GSDMD: variants seen among roughly 807,000 people sequenced by gnomAD.
GSDMD encodes the protein gasdermin-D.
A neutral mutation model predicts 46.7 loss-of-function variants in GSDMD; 46 were observed. The ratio of observed to expected loss-of-function variants is 0.99; its 90% CI spans 0.78 to 1.26. The LOEUF is 1.26. Among genes scored for constraint, GSDMD ranks in the 50% most tolerant of loss-of-function variants. GSDMD has a pLI of 0.00. For synonymous variants in GSDMD, 307 were observed against 283.1 expected (o/e 1.08, Z -0.85); for missense variants, 649 against 638.8 (o/e 1.02, Z -0.17).
At chr8:143,554,651 C>A (rs567309593), upstream of GSDMD, among the ~76,000 whole-genome samples, 1 of 150,834 alleles carries the variant, frequency 6.6e-6, no homozygotes, top group Non-Finnish European at 1.5e-5. Context: ...GCACAACACA[C>A]ACGTGCATAC....
At chr8:143,562,553 T>G (rs1206687410) in intron 10 of GSDMD, 32 bp downstream of exon 10, 5 of 1,602,250 alleles carry the variant, frequency 3.1e-6, no homozygotes. Flanking sequence ...TGCAGGAGGA[T>G]GGGCTGAGCC....
upstream of GSDMD, among the ~76,000 whole-genome samples, chr8:143,557,640 G>A (rs1386306542): frequency 1.3e-5 from 2 of 152,244 alleles, no homozygotes; most frequent in East Asian, 1.9e-4. Context: ...TTATTCCAGA[G>A]GGCCGCACGG....
Position 143,558,439 on chromosome 8 carries a change from G to A in GSDMD, c.-17G>A, listed in dbSNP as rs963011143. 20 of 1,502,826 alleles carry A rather than the reference G, an allele frequency of 1.3e-5. No homozygotes were observed. The highest frequency in any genetic ancestry group is 1.1e-4 in the East Asian group (4 of 36,372). The allele number at this position is 1,502,826 out of a possible 1,614,324, so 93.1% of individuals were successfully genotyped here. A position where few individuals can be genotyped will look rare whatever the true frequency, so the allele number is the denominator to read the frequency against. On this transcript the variant is annotated 5_prime_UTR_variant, in exon 1 of 11. Coordinates refer to ENST00000262580, the MANE Select transcript of GSDMD (RefSeq NM_024736.7). Reference sequence around the variant, plus strand: ...GCGCCAGACGCGCCACCCTCGGGGCGCCGACGGTCACGGTGAGCTGCGCCC... The same window carrying A: ...GCGCCAGACGCGCCACCCTCGGGGCACCGACGGTCACGGTGAGCTGCGCCC...
rs900568949 is a variant in GSDMD, at chr8:143,558,394, G to A, written c.-62G>A. 13 of 1,515,740 alleles carry A rather than the reference G, an allele frequency of 8.6e-6. No individual in the cohort carries two copies. Among genetic ancestry groups the A allele is most frequent in the Admixed American group, 6.2e-5 (3 of 48,558 alleles). 93.9% of individuals were successfully genotyped at this position (1,515,740 alleles called of 1,614,324 possible). ...CACCTCCAGCTCCTGCTCGCCGGAC[G>A]GCTCCCAGGGAGAGCAGACGCGCCA... On this transcript the variant is annotated 5_prime_UTR_variant, in exon 1 of 11. Coordinates refer to ENST00000262580, the MANE Select transcript of GSDMD (RefSeq NM_024736.7).
Position 143,561,177 on chromosome 8 carries a change from G to A in GSDMD, c.682+73G>A, listed in dbSNP as rs552479880. The stretch of plus-strand genomic sequence containing the variant: ...CAGGGAGGCCTGGGGAGAGCTACCC[G>A]CCAGCTTGGGCTGCCGTGGGCCCCT... On this transcript the variant is annotated intron_variant, in intron 5 of 10. Transcript: ENST00000262580. 2.2e-4 allele frequency: 320 copies of A among 1,434,616 alleles called. 1 individual carries two copies. The African/African-American group carries it at 3.0e-3, about 14-fold the overall frequency. The allele number at this position is 1,434,616 out of a possible 1,614,324, so 88.9% of individuals were successfully genotyped here. A position where few individuals can be genotyped will look rare whatever the true frequency, so the allele number is the denominator to read the frequency against.
chr8:143,558,424 C>G lies in GSDMD; in HGVS notation c.-32C>G. The stretch of plus-strand genomic sequence containing the variant: ...CCAGGGAGAGCAGACGCGCCAGACG[C>G]GCCACCCTCGGGGCGCCGACGGTCA... On this transcript the variant is annotated 5_prime_UTR_variant, in exon 1 of 11. Transcript: ENST00000262580. 1 of 1,505,874 alleles carries G rather than the reference C, an allele frequency of 6.6e-7. No individual in the cohort carries two copies. The highest frequency in any genetic ancestry group is 8.8e-7 in the Non-Finnish European group (1 of 1,133,890). The allele number at this position is 1,505,874 out of a possible 1,614,324, so 93.3% of individuals were successfully genotyped here. A position where few individuals can be genotyped will look rare whatever the true frequency, so the allele number is the denominator to read the frequency against.
At chr8:143,561,901 C>T (rs1378190589) in intron 7 of GSDMD, 58 bp from the exon 8 acceptor site, 6 of 1,607,326 alleles carry the variant, frequency 3.7e-6, no homozygotes, top group Middle Eastern at 1.6e-4. Flanking sequence ...CTGTCCTGAC[C>T]GAGGCTTTCC....
chr8:143,562,532 T>G lies in GSDMD; in HGVS notation c.1212+11T>G. ...GGGCCGCTCGAGCTGGTGAGAGGGT[T>G]GGGTTCGGGCTGCAGGAGGATGGGC... On this transcript the variant is annotated intron_variant, in intron 10 of 10. Transcript: ENST00000262580. 2 of 1,605,410 alleles carry G rather than the reference T, an allele frequency of 1.2e-6. No homozygotes were observed. The highest frequency in any genetic ancestry group is 1.1e-5 in the South Asian group (1 of 90,652).
intron 9 of GSDMD, 39 bp downstream of exon 9, chr8:143,562,389 G>C (rs1271029475): frequency 1.9e-6 from 3 of 1,547,212 alleles, no homozygotes; most frequent in African/African-American, 1.4e-5. Context: ...GTGGGAGGGA[G>C]GGAGGTGGGC....
At chr8:143,562,585 C>A in intron 10 of GSDMD, 64 bp downstream of exon 10, 1 of 1,596,648 alleles carries the variant, frequency 6.3e-7, no homozygotes, top group South Asian at 1.1e-5. Context: ...CCCTGTGGCA[C>A]CTGGGAAGGG....
At chr8:143,554,590 TAC>T (rs1359411678), upstream of GSDMD, among the ~76,000 whole-genome samples, 1 of 144,490 alleles carries the variant, frequency 6.9e-6, no homozygotes, top group African/African-American at 2.6e-5. Flanking sequence ...CGCACGTGCA[TAC>T]ACGCGCACAA....
chr8:143,562,548 G>C, intron 10 of GSDMD, 27 bp downstream of exon 10: 1 of 1,603,274 alleles, frequency 6.2e-7, no homozygotes, highest in East Asian at 2.2e-5. Flanking sequence ...CGGGCTGCAG[G>C]AGGATGGGCT....
At chr8:143,561,668 A>C in intron 6 of GSDMD, 74 bp from the exon 7 acceptor site, 1 of 1,249,992 alleles carries the variant, frequency 8.0e-7, no homozygotes, top group Non-Finnish European at 1.1e-6. Context: ...GGCCTGGGGA[A>C]GGCCTCAGCC....
At chr8:143,560,479 C>T (rs561353753) in intron 3 of GSDMD, 124 bp from the exon 4 acceptor site, 121 of 1,049,804 alleles carry the variant, frequency 1.2e-4, no homozygotes, top group African/African-American at 4.3e-4. Context: ...GCCGGTGCCC[C>T]GGCACCCACA....
At chr8:143,558,866 G>A (rs1368969668) in intron 1 of GSDMD, 5 of 507,978 alleles carry the variant, frequency 9.8e-6, no homozygotes, top group Non-Finnish European at 1.9e-5. Context: ...TTGGACAGGT[G>A]GCTCATGGAG....
upstream of GSDMD, chr8:143,557,841 T>C (rs918508587): frequency 2.8e-6 from 1 of 351,700 alleles, no homozygotes; most frequent in Non-Finnish European, 5.6e-6. Flanking sequence ...TTCTACATTT[T>C]GTACATCTTT....
chr8:143,560,650 G>T lies in GSDMD; in HGVS notation c.458G>T (p.Arg153Leu). ...AAAGTCCTGCAGCAGCTGCGCAGCC[G>T]CGGGGACAACGTGTACGTGGTGACT... ...EHKVLQQLRSRGDNVYVVTEV... is the reference protein window; with the variant it reads ...EHKVLQQLRSLGDNVYVVTEV... Residue 153 changes from arginine (R) to leucine (L), a missense_variant, in exon 4 of 11, where the codon CGC becomes CTC. Physicochemically the swap from Arg to Leu is moderately radical, Grantham distance 102 (BLOSUM62 -2). Transcript: ENST00000262580. 6.3e-7 allele frequency: 1 copy of T among 1,590,678 alleles called. No individual in the cohort carries two copies. Among genetic ancestry groups the T allele is most frequent in the Non-Finnish European group, 8.6e-7 (1 of 1,169,002 alleles).
intron 9 of GSDMD, 31 bp from the exon 10 acceptor site, chr8:143,562,417 A>C: frequency 6.3e-7 from 1 of 1,590,778 alleles, no homozygotes; most frequent in Non-Finnish European, 8.5e-7. Context: ...GTGGGCGTTC[A>C]GAAACCCCCT....
chr8:143,560,475 GC>G lies in GSDMD; in HGVS notation c.411-124del, dbSNP rs1445767578. The stretch of plus-strand genomic sequence containing the variant: ...GGGAGCACACGGAGAGGCTGCCGGT[GC>G]CCCGGCACCCACAGACCTCTGGAGG... On this transcript the variant is annotated intron_variant, in intron 3 of 10. Transcript: ENST00000262580. 3 of 993,012 alleles carry G rather than the reference GC, an allele frequency of 3.0e-6. No homozygotes were observed. In the Admixed American group the frequency reaches 8.4e-5, roughly 28 times the overall value. 61.5% of individuals were successfully genotyped at this position (993,012 alleles called of 1,614,324 possible).
Sources: gnomAD v4.1 joint callset for allele counts (sites outside exome capture counted in the v4.1 genomes callset) on GRCh38, gnomAD v4.1.1 for gene constraint, MANE v1.5 for transcripts, NCBI Gene and HGNC (gene_info 2026-07-23, HGNC 2026-07-21) for gene names.